Variants in CUL3 observed in about 807,000 individuals in gnomAD.
The protein encoded by CUL3 is cullin-3.
CUL3 carries 19 observed loss-of-function variants against 89.1 expected under a neutral mutation model. The observed-to-expected ratio is 0.21, with a 90% CI of 0.15 to 0.31. The LOEUF (loss-of-function observed/expected upper bound fraction) is 0.31. Among genes scored for constraint, CUL3 ranks in the 10% least tolerant of loss-of-function variants. The probability of loss-of-function intolerance (pLI) is 1.00; values close to 1 mark genes in which losing one functional copy is unlikely to be tolerated. For synonymous variants in CUL3, 351 were observed against 308.4 expected (o/e 1.14, Z -1.45); for missense variants, 469 against 942.3 (o/e 0.50, Z 6.58).
intron 2 of CUL3, among the ~76,000 whole-genome samples, chr2:224,555,014 T>C (rs989504425): frequency 2.6e-5 from 4 of 152,284 alleles, no homozygotes; most frequent in African/African-American, 7.2e-5. Context: ...CTCCAACACT[T>C]GTTCCTCAGT....
At chr2:224,508,216 T>C (rs528596488) in intron 6 of CUL3, among the ~76,000 whole-genome samples, 1 of 152,276 alleles carries the variant, frequency 6.6e-6, no homozygotes, top group Admixed American at 6.5e-5. Flanking sequence ...TTGTATACAT[T>C]TTTAAAATAT....
intron 2 of CUL3, among the ~76,000 whole-genome samples, chr2:224,542,387 A>C (rs947946578): frequency 1.3e-5 from 2 of 152,144 alleles, no homozygotes; most frequent in African/African-American, 2.4e-5. Flanking sequence ...GTACAGTGAC[A>C]CAATTATAGC....
At chr2:224,565,422 G>C (rs1433504099) in intron 1 of CUL3, among the ~76,000 whole-genome samples, 1 of 152,152 alleles carries the variant, frequency 6.6e-6, no homozygotes, top group African/African-American at 2.4e-5. Flanking sequence ...GAGGTAGAAA[G>C]GGAGGCAGGA....
intron 1 of CUL3, among the ~76,000 whole-genome samples, chr2:224,577,932 A>C (rs1277437384): frequency 6.6e-6 from 1 of 152,214 alleles, no homozygotes; most frequent in East Asian, 1.9e-4. Context: ...TCAGAATCCT[A>C]GTTCTGCCAC....
intron 1 of CUL3, among the ~76,000 whole-genome samples, chr2:224,558,389 C>T (rs192212732): frequency 6.6e-6 from 1 of 152,254 alleles, no homozygotes; most frequent in East Asian, 1.9e-4. Flanking sequence ...TGATTTTATA[C>T]CACCTCCTCC....
At chr2:224,497,949 T>C (rs1692227577) in intron 11 of CUL3, 100 bp from the exon 12 acceptor site, 1 of 871,860 alleles carries the variant, frequency 1.1e-6, no homozygotes, top group African/African-American at 1.7e-5. Context: ...TGTGTGTGTG[T>C]GTGTGTGTAT....
At chr2:224,559,761 T>C (rs769066199) in intron 1 of CUL3, among the ~76,000 whole-genome samples, 1 of 152,116 alleles carries the variant, frequency 6.6e-6, no homozygotes, top group Non-Finnish European at 1.5e-5. Flanking sequence ...CCAGCAGCAT[T>C]TGAAAGAGCT....
At chr2:224,517,799 A>AT (rs556739662) in intron 3 of CUL3, among the ~76,000 whole-genome samples, 159 of 151,810 alleles carry the variant, frequency 1.0e-3, no homozygotes, top group Middle Eastern at 6.8e-3. Context: ...ATCCTTCTAG[A>AT]TTTTTTTTTA....
chr2:224,506,040 A>T lies in CUL3; in HGVS notation c.1122T>A (p.Phe374Leu), dbSNP rs1377640121. ...TGGAGTTGAGGTTGAGAAAATACTC[A>T]AAGTCACCCGCAATAGTTTGTTTAA... ...RLFKQTIAGDFEYFLNLNSRS... is the reference protein window; with the variant it reads ...RLFKQTIAGDLEYFLNLNSRS... The change falls in exon 8 of 16, where the codon TTT becomes TTA. Residue 374 changes from phenylalanine to leucine, a missense_variant. Coordinates refer to ENST00000264414, the MANE Select transcript of CUL3 (RefSeq NM_003590.5). The T allele has an allele frequency of 6.2e-7, 1 of 1,612,702 alleles. No homozygotes were observed. The highest frequency in any genetic ancestry group is 8.5e-7 in the Non-Finnish European group (1 of 1,179,156).
chr2:224,475,364 C>A (rs989234889), intron 15 of CUL3, among the ~76,000 whole-genome samples: 2 of 152,068 alleles, frequency 1.3e-5, no homozygotes, highest in Non-Finnish European at 2.9e-5. Flanking sequence ...ATTTTACAAA[C>A]GAGGAAAATA....
Position 224,508,787 on chromosome 2 carries a change from CCT to C in CUL3, c.884-1786_884-1785del, listed in dbSNP as rs530982502. On this transcript the variant is annotated intron_variant, in intron 6 of 15. Transcript: ENST00000264414. ...ACCCTGGCTAACACGGTGAAACCCC[CCT>C]GTCTTTAATAAAAATACAAAAAATT... 2.3e-3 allele frequency among the ~76,000 whole-genome samples: 342 copies of C among 151,984 alleles called. 1 individual carries two copies. The highest frequency in any genetic ancestry group is 5.7e-3 in the African/African-American group (238 of 41,448).
At position 224,472,042 on chromosome 2, in the gene CUL3, A is replaced by T; in HGVS notation, c.*2203T>A. ...TGTTATAACCTTTATGACCTAAAAT[A>T]ATACTTATGCAGTCAAACATATAAA... On this transcript the variant is annotated 3_prime_UTR_variant, in exon 16 of 16. Coordinates refer to ENST00000264414, the MANE Select transcript of CUL3 (RefSeq NM_003590.5). 1 of 231,216 alleles carries T rather than the reference A, an allele frequency of 4.3e-6. No individual in the cohort carries two copies. Among genetic ancestry groups the T allele is most frequent in the Non-Finnish European group, 8.6e-6 (1 of 116,772 alleles). 14.3% of individuals were successfully genotyped at this position (231,216 alleles called of 1,614,324 possible). A position where few individuals can be genotyped will look rare whatever the true frequency, so the allele number is the denominator to read the frequency against.
At chr2:224,476,885 T>A (rs1352853049) in intron 15 of CUL3, among the ~76,000 whole-genome samples, 1 of 152,084 alleles carries the variant, frequency 6.6e-6, no homozygotes, top group Non-Finnish European at 1.5e-5. Flanking sequence ...AATACTACTC[T>A]CTCTGCCCTT....
At chr2:224,476,632 T>C (rs1236565665) in intron 15 of CUL3, among the ~76,000 whole-genome samples, 1 of 152,190 alleles carries the variant, frequency 6.6e-6, no homozygotes, top group Non-Finnish European at 1.5e-5. Flanking sequence ...CACATACCCC[T>C]GCACCCTGCC....
intron 1 of CUL3, among the ~76,000 whole-genome samples, chr2:224,575,406 C>T (rs1413704895): frequency 6.6e-6 from 1 of 152,028 alleles, no homozygotes. Context: ...GTAGAACGAT[C>T]CAAGATGCTT....
At chr2:224,549,271 G>A (rs1694419697) in intron 2 of CUL3, among the ~76,000 whole-genome samples, 1 of 151,166 alleles carries the variant, frequency 6.6e-6, no homozygotes, top group Admixed American at 6.6e-5. Context: ...GAGCCAAGAT[G>A]GCGCCAACTG....
intron 1 of CUL3, among the ~76,000 whole-genome samples, chr2:224,578,470 T>A (rs1227771014): frequency 6.6e-6 from 1 of 152,124 alleles, no homozygotes; most frequent in Non-Finnish European, 1.5e-5. Flanking sequence ...ACAGGTGATT[T>A]TTTTTATTTC....
At chr2:224,550,358 T>C (rs954800324) in intron 2 of CUL3, among the ~76,000 whole-genome samples, 3 of 152,196 alleles carry the variant, frequency 2.0e-5, no homozygotes, top group African/African-American at 4.8e-5. Context: ...TCACATGAGA[T>C]AAGCTGTGGA....
chr2:224,545,572 A>G (rs749873538), intron 2 of CUL3, among the ~76,000 whole-genome samples: 5 of 152,216 alleles, frequency 3.3e-5, no homozygotes, highest in Non-Finnish European at 5.9e-5. Context: ...CTATTATCAG[A>G]TATCAACCAC....
Sources: allele counts gnomAD v4.1 joint callset (sites outside exome capture counted in the v4.1 genomes callset), GRCh38; gene constraint gnomAD v4.1.1; transcripts MANE v1.5; gene names NCBI Gene and HGNC (gene_info 2026-07-23, HGNC 2026-07-21).